SPAG16: variants seen among roughly 807,000 people sequenced by gnomAD.
SPAG16 encodes sperm associated antigen 16.
Under a neutral mutation model 80.4 loss-of-function variants are expected in SPAG16, and 86 were observed. The observed-to-expected ratio is 1.07, with a 90% CI of 0.90 to 1.28. The LOEUF (loss-of-function observed/expected upper bound fraction) is 1.28. Ranked by LOEUF, SPAG16 falls within the 50% of genes most tolerant of loss-of-function variation. SPAG16 has a pLI of 0.00. For synonymous variants in SPAG16, 294 were observed against 265.9 expected, an observed-to-expected ratio of 1.11 and a Z score of -1.03; for missense variants, 870 against 765.3, an observed-to-expected ratio of 1.14 and a Z score of -1.61.
rs540435582 is a variant in SPAG16, at chr2:214,080,627, A to G, written c.1528-27569A>G. Among the ~76,000 whole-genome samples the G allele has an allele frequency of 1.1e-3, 174 of 151,582 alleles. 1 individual carries two copies. The highest frequency in any genetic ancestry group is 4.1e-3 in the African/African-American group (170 of 41,478). ...TGTCTCAAAAAAAAAAAAAAATTAAAATAAAATAAAAAGAAAAAAGAAAAA... is the reference window on the plus strand; with the variant it reads ...TGTCTCAAAAAAAAAAAAAAATTAAGATAAAATAAAAAGAAAAAAGAAAAA... On this transcript the variant is annotated intron_variant, in intron 13 of 15. Transcript: ENST00000331683.
intron 15 of SPAG16, among the ~76,000 whole-genome samples, chr2:214,338,617 C>T (rs370288591): frequency 1.3e-5 from 2 of 152,198 alleles, no homozygotes; most frequent in African/African-American, 4.8e-5. Context: ...TTGATTCTCT[C>T]TGGGACCTTT....
intron 10 of SPAG16, among the ~76,000 whole-genome samples, chr2:213,749,990 AG>A (rs879732818): frequency 1.3e-5 from 2 of 152,170 alleles, no homozygotes; most frequent in Non-Finnish European, 2.9e-5. Context: ...AAACCTATCT[AG>A]CCCTGTTGCA....
intron 12 of SPAG16, among the ~76,000 whole-genome samples, chr2:213,988,446 TG>T (rs2046124015): frequency 6.6e-6 from 1 of 152,130 alleles, no homozygotes. Context: ...TAAAGATATC[TG>T]GAAAGTCTCC....
intron 10 of SPAG16, among the ~76,000 whole-genome samples, chr2:213,559,492 C>T (rs1236466802): frequency 6.6e-6 from 1 of 152,130 alleles, no homozygotes; most frequent in Non-Finnish European, 1.5e-5. Flanking sequence ...TAAAATTATG[C>T]TTGCTTATCT....
At chr2:213,518,013 T>C (rs1012915421) in intron 10 of SPAG16, among the ~76,000 whole-genome samples, 3 of 152,086 alleles carry the variant, frequency 2.0e-5, no homozygotes, top group Admixed American at 1.3e-4. Context: ...ATAAACTAGA[T>C]AGACACCCTA....
At chr2:213,596,408 G>A (rs1259067220) in intron 10 of SPAG16, among the ~76,000 whole-genome samples, 1 of 151,952 alleles carries the variant, frequency 6.6e-6, no homozygotes, top group African/African-American at 2.4e-5. Context: ...TTGCATTGTT[G>A]GTAGTCTTCA....
chr2:213,942,960 T>C (rs1030256550), intron 12 of SPAG16, among the ~76,000 whole-genome samples: 1 of 152,146 alleles, frequency 6.6e-6, no homozygotes, highest in African/African-American at 2.4e-5. Context: ...ATTAGTGCCC[T>C]TATATAGGAA....
chr2:213,922,698 A>AT (rs908030953), intron 11 of SPAG16, among the ~76,000 whole-genome samples: 18 of 150,476 alleles, frequency 1.2e-4, no homozygotes, highest in Non-Finnish European at 2.1e-4. Context: ...CTTTCAATTG[A>AT]TTTTTTTGTT....
At chr2:213,392,193 C>T (rs1414166639) in intron 9 of SPAG16, among the ~76,000 whole-genome samples, 3 of 152,156 alleles carry the variant, frequency 2.0e-5, no homozygotes. Context: ...TGTGTTATGT[C>T]ACCCTGGCAT....
At chr2:214,353,879 T>A (rs1033356292) in intron 15 of SPAG16, among the ~76,000 whole-genome samples, 2 of 152,160 alleles carry the variant, frequency 1.3e-5, no homozygotes, top group African/African-American at 4.8e-5. Flanking sequence ...TGTTTTGCAG[T>A]GACTGAATTG....
At chr2:214,348,031 C>G (rs1698171579) in intron 15 of SPAG16, among the ~76,000 whole-genome samples, 1 of 152,170 alleles carries the variant, frequency 6.6e-6, no homozygotes, top group Non-Finnish European at 1.5e-5. Context: ...CACTACGGAC[C>G]AGTGACTGCT....
chr2:213,489,231 T>A (rs1009921930), intron 9 of SPAG16, among the ~76,000 whole-genome samples: 3 of 152,144 alleles, frequency 2.0e-5, no homozygotes, highest in Non-Finnish European at 4.4e-5. Flanking sequence ...TAACTTCTTT[T>A]TTTGAGTACA....
chr2:214,237,754 G>C (rs1319284472), intron 15 of SPAG16, among the ~76,000 whole-genome samples: 1 of 151,866 alleles, frequency 6.6e-6, no homozygotes, highest in African/African-American at 2.4e-5. Flanking sequence ...AAGTCATCTG[G>C]ATGTGAAAGT....
At position 213,514,420 on chromosome 2, in the gene SPAG16, A is replaced by G. The variant is rs1044512491; in HGVS notation, c.1070+24330A>G. 2.6e-5 allele frequency among the ~76,000 whole-genome samples: 4 copies of G among 152,318 alleles called. No individual in the cohort carries two copies. The East Asian group carries it at 7.7e-4, about 29-fold the overall frequency. On this transcript the variant is annotated intron_variant, in intron 10 of 15. Transcript: ENST00000331683. Reference sequence around the variant, plus strand: ...TAGAGTTTACATCATTTAAAAATATAATTTGCTTCATTAAAAATTACTATT... The same window carrying G: ...TAGAGTTTACATCATTTAAAAATATGATTTGCTTCATTAAAAATTACTATT...
chr2:213,807,660 C>A (rs1043945951), intron 10 of SPAG16, among the ~76,000 whole-genome samples: 2 of 152,148 alleles, frequency 1.3e-5, no homozygotes, highest in African/African-American at 4.8e-5. Context: ...AATGGCCACA[C>A]TATCATCAGT....
At chr2:213,984,995 T>C (rs1017137250) in intron 12 of SPAG16, among the ~76,000 whole-genome samples, 2 of 152,126 alleles carry the variant, frequency 1.3e-5, no homozygotes, top group Non-Finnish European at 2.9e-5. Context: ...CTTTTTTTAT[T>C]TATTGAACTT....
At chr2:214,199,620 A>G (rs915507242) in intron 15 of SPAG16, among the ~76,000 whole-genome samples, 52 of 152,088 alleles carry the variant, frequency 3.4e-4, no homozygotes, top group African/African-American at 1.3e-3. Context: ...AGGATTGTTT[A>G]TTCTAGTTCT....
intron 10 of SPAG16, among the ~76,000 whole-genome samples, chr2:213,751,459 C>A (rs181647212): frequency 2.6e-5 from 4 of 152,272 alleles, no homozygotes; most frequent in Admixed American, 2.6e-4. Context: ...GAGGGAAAGC[C>A]TAAGTGGTAA....
At chr2:214,336,644 A>G (rs1697309781) in intron 15 of SPAG16, among the ~76,000 whole-genome samples, 1 of 152,124 alleles carries the variant, frequency 6.6e-6, no homozygotes, top group South Asian at 2.1e-4. Context: ...GTAGGAAACT[A>G]CACTGTACAC....
Sources: allele counts gnomAD v4.1 joint callset (sites outside exome capture counted in the v4.1 genomes callset), GRCh38; gene constraint gnomAD v4.1.1; transcripts MANE v1.5; gene names NCBI Gene and HGNC (gene_info 2026-07-23, HGNC 2026-07-21).